EEF1AKMT1: variants seen among roughly 807,000 people sequenced by gnomAD.
EEF1AKMT1 encodes the protein EEF1A lysine methyltransferase 1.
In EEF1AKMT1, 18 loss-of-function variants were observed where a neutral mutation model predicts 21.0. The ratio of observed to expected loss-of-function variants is 0.86; its 90% CI spans 0.59 to 1.27. The LOEUF is 1.27. EEF1AKMT1 is among the 50% of genes most tolerant of loss of function. EEF1AKMT1 has a pLI of 0.00. For missense variants in EEF1AKMT1, 246 were observed against 258.6 expected (o/e 0.95, Z 0.33); for synonymous variants, 109 against 94.8 (o/e 1.15, Z -0.87).
chr13:20,740,579 A>C (rs58876296), intron 2 of EEF1AKMT1, among the ~76,000 whole-genome samples: 10,578 of 152,282 alleles, frequency 0.069, 1,105 homozygotes, highest in African/African-American at 0.22. Flanking sequence ...CCAAGGCGGG[A>C]GGGTCCTGAG....
At chr13:20,737,673 A>G (rs777585500) in intron 3 of EEF1AKMT1, 50 bp downstream of exon 3, 1 of 1,426,978 alleles carries the variant, frequency 7.0e-7, no homozygotes, top group East Asian at 2.3e-5. Flanking sequence ...TCCAGGAAAG[A>G]CATTCAAAAT....
intron 1 of EEF1AKMT1, among the ~76,000 whole-genome samples, chr13:20,764,042 CTT>C (rs1335345786): frequency 6.6e-6 from 1 of 151,398 alleles, no homozygotes; most frequent in African/African-American, 2.5e-5. Flanking sequence ...TTATTGATCT[CTT>C]TTAAAAAATA....
At chr13:20,754,741 CAAAAAAA>C (rs56777421) in intron 2 of EEF1AKMT1, among the ~76,000 whole-genome samples, 1,474 of 116,568 alleles carry the variant, frequency 0.013, 20 homozygotes, top group African/African-American at 0.046. Flanking sequence ...ACCAAAAATA[CAAAAAAA>C]AAAAAAAAAA....
intron 3 of EEF1AKMT1, among the ~76,000 whole-genome samples, chr13:20,732,953 G>A (rs949974447): frequency 1.3e-5 from 2 of 151,976 alleles, no homozygotes; most frequent in African/African-American, 4.8e-5. Flanking sequence ...CTTCTTTTTT[G>A]TATAAGGAAA....
intron 1 of EEF1AKMT1, among the ~76,000 whole-genome samples, chr13:20,759,973 C>T (rs187469306): frequency 4.0e-4 from 61 of 151,872 alleles, no homozygotes; most frequent in African/African-American, 1.3e-3. Context: ...GGTGTGGTGG[C>T]GGGCACCTGT....
intron 1 of EEF1AKMT1, among the ~76,000 whole-genome samples, chr13:20,773,688 G>T (rs1280198925): frequency 1.3e-5 from 2 of 152,252 alleles, no homozygotes; most frequent in Non-Finnish European, 2.9e-5. Context: ...GGCGCCTTCC[G>T]GCGACCGGGA....
intron 1 of EEF1AKMT1, among the ~76,000 whole-genome samples, chr13:20,762,253 G>A (rs2059004994): frequency 6.7e-6 from 1 of 149,278 alleles, no homozygotes; most frequent in South Asian, 2.1e-4. Context: ...TGCATTCTTG[G>A]CTCACTGCAA....
At chr13:20,737,045 A>G (rs1313993573) in intron 3 of EEF1AKMT1, among the ~76,000 whole-genome samples, 1 of 151,908 alleles carries the variant, frequency 6.6e-6, no homozygotes, top group African/African-American at 2.4e-5. Flanking sequence ...CCATTTGACT[A>G]TTTATATGCA....
chr13:20,743,206 A>C (rs1595018095), intron 2 of EEF1AKMT1, among the ~76,000 whole-genome samples: 1 of 151,974 alleles, frequency 6.6e-6, no homozygotes, highest in Admixed American at 6.6e-5. Context: ...AGCTGGGATT[A>C]CAGGTGTCCA....
intron 2 of EEF1AKMT1, among the ~76,000 whole-genome samples, chr13:20,744,205 G>T (rs2058889713): frequency 6.6e-6 from 1 of 151,784 alleles, no homozygotes; most frequent in Non-Finnish European, 1.5e-5. Flanking sequence ...TTGGGTATAT[G>T]CCTAGTAATG....
rs528422783 is a variant in EEF1AKMT1, at chr13:20,739,703, A to G, written c.145-1898T>C. On this transcript the variant is annotated intron_variant, in intron 2 of 4. Coordinates refer to ENST00000382758, the MANE Select transcript of EEF1AKMT1 (RefSeq NM_001318939.2). The stretch of plus-strand genomic sequence containing the variant: ...AGTTTACAATCCTTTAGCTAGACAC[A>G]AAAGTTCTCCAAGTCCCCACTAGAT... Among the ~76,000 whole-genome samples the G allele has an allele frequency of 6.6e-5, 10 of 152,324 alleles. No homozygotes were observed. In the East Asian group the frequency reaches 1.9e-3, roughly 29 times the overall value.
intron 2 of EEF1AKMT1, among the ~76,000 whole-genome samples, chr13:20,750,115 A>G (rs1404634345): frequency 2.6e-5 from 4 of 152,108 alleles, no homozygotes. Flanking sequence ...TACATGTGAT[A>G]TTTTGTTACA....
intron 2 of EEF1AKMT1, chr13:20,757,101 C>G (rs1057098824): frequency 5.7e-6 from 1 of 174,230 alleles, no homozygotes; most frequent in Non-Finnish European, 1.2e-5. Context: ...CTGGGGCACA[C>G]CAGCGTGGCC....
At chr13:20,772,152 ATAT>A (rs759329333) in intron 1 of EEF1AKMT1, among the ~76,000 whole-genome samples, 2 of 152,064 alleles carry the variant, frequency 1.3e-5, no homozygotes, top group East Asian at 1.9e-4. Context: ...GTACTGTGTT[ATAT>A]TATTATTATT....
intron 3 of EEF1AKMT1, among the ~76,000 whole-genome samples, chr13:20,735,704 A>G (rs1296079728): frequency 1.3e-5 from 2 of 152,242 alleles, no homozygotes; most frequent in African/African-American, 4.8e-5. Flanking sequence ...CATTTAAGGA[A>G]CATAGATTAG....
intron 1 of EEF1AKMT1, among the ~76,000 whole-genome samples, chr13:20,766,347 CAT>C (rs2059032870): frequency 7.1e-6 from 1 of 141,410 alleles, no homozygotes; most frequent in Non-Finnish European, 1.5e-5. Context: ...AAAAAAGAAA[CAT>C]GTAATAGAAA....
At chr13:20,742,879 C>T (rs2058879900) in intron 2 of EEF1AKMT1, among the ~76,000 whole-genome samples, 1 of 152,126 alleles carries the variant, frequency 6.6e-6, no homozygotes, top group African/African-American at 2.4e-5. Flanking sequence ...TAATCCTTTG[C>T]TCTCATGCAT....
chr13:20,767,931 T>A (rs1201431515), intron 1 of EEF1AKMT1, among the ~76,000 whole-genome samples: 1 of 152,244 alleles, frequency 6.6e-6, no homozygotes, highest in Non-Finnish European at 1.5e-5. Context: ...CCATACAGTG[T>A]AATTTTCACC....
intron 2 of EEF1AKMT1, among the ~76,000 whole-genome samples, chr13:20,748,258 AC>A: frequency 6.6e-6 from 1 of 152,124 alleles, no homozygotes; most frequent in East Asian, 1.9e-4. Context: ...ACATGGTGAA[AC>A]CCCGTCTCTA....
Sources: gnomAD v4.1 joint callset for allele counts (sites outside exome capture counted in the v4.1 genomes callset) on GRCh38, gnomAD v4.1.1 for gene constraint, MANE v1.5 for transcripts, NCBI Gene and HGNC (gene_info 2026-07-23, HGNC 2026-07-21) for gene names.